Variants in WDR91 observed in about 807,000 individuals in gnomAD.
The protein encoded by WDR91 is WD repeat-containing protein 91.
WDR91 carries 52 observed loss-of-function variants against 88.4 expected under a neutral mutation model. The observed-to-expected ratio is 0.59, with a 90% CI of 0.47 to 0.74. The LOEUF (loss-of-function observed/expected upper bound fraction) is 0.74. Ranked by LOEUF, WDR91 falls within the 30% of genes least tolerant of loss-of-function variation. The probability of loss-of-function intolerance (pLI) is 0.00; values close to 1 mark genes in which losing one functional copy is unlikely to be tolerated. For missense variants in WDR91, 824 were observed against 954.5 expected (o/e 0.86, Z 1.80); for synonymous variants, 362 against 389.5 (o/e 0.93, Z 0.83).
At position 135,204,135 on chromosome 7, in the gene WDR91, T is replaced by C; in HGVS notation, c.891+133A>G. The C allele has an allele frequency of 3.0e-6, 3 of 1,011,796 alleles. No individual in the cohort carries two copies. In the South Asian group the frequency reaches 5.7e-5, roughly 19 times the overall value. The allele number at this position is 1,011,796 out of a possible 1,614,324, so 62.7% of individuals were successfully genotyped here. A position where few individuals can be genotyped will look rare whatever the true frequency, so the allele number is the denominator to read the frequency against. On this transcript the variant is annotated intron_variant, in intron 6 of 14. Coordinates refer to ENST00000354475, the MANE Select transcript of WDR91 (RefSeq NM_014149.4). ...AAGGGAATGAGATTTCAATTCAGAA[T>C]CTCATCAACATGCCCAAGAAATCAG...
At chr7:135,193,493 G>A (rs1368012160) in intron 10 of WDR91, 85 bp downstream of exon 10, 1 of 1,610,790 alleles carries the variant, frequency 6.2e-7, no homozygotes, top group Non-Finnish European at 8.5e-7. Flanking sequence ...CAGGAGATGG[G>A]GCATTAGGCT....
intron 6 of WDR91, among the ~76,000 whole-genome samples, chr7:135,202,608 T>G (rs151019204): frequency 2.0e-5 from 3 of 152,112 alleles, no homozygotes; most frequent in Admixed American, 6.5e-5. Context: ...CCACATAGAG[T>G]AGGGCCACAG....
At position 135,192,108 on chromosome 7, in the gene WDR91, G is replaced by GT. The variant is rs751914024; in HGVS notation, c.1659+1122dup. Among the ~76,000 whole-genome samples, 22 of 50,670 alleles carry GT rather than the reference G, an allele frequency of 4.3e-4. 1 individual carries two copies. The highest frequency in any genetic ancestry group is 1.0e-3 in the African/African-American group (20 of 19,140). The allele number at this position is 50,670 out of a possible 152,430, so 33.2% of individuals were successfully genotyped here. ...TGGGAAGAACCCCAATTTCTGTTGT[G>GT]TTTTTTTTTTTTTTTTTTTTTTTTT... On this transcript the variant is annotated intron_variant, in intron 11 of 14. Transcript: ENST00000354475.
intron 2 of WDR91, 142 bp downstream of exon 2, chr7:135,209,434 G>A (rs1392487081): frequency 1.3e-6 from 1 of 782,572 alleles, no homozygotes; most frequent in Non-Finnish European, 1.9e-6. Context: ...AAGAAAAACA[G>A]TCAAAAATAA....
At chr7:135,210,808 T>TCACACA in intron 1 of WDR91, 1 of 703,630 alleles carries the variant, frequency 1.4e-6, no homozygotes, top group Non-Finnish European at 2.6e-6. Context: ...AACATACAAA[T>TCACACA]CACACACATA....
At position 135,206,058 on chromosome 7, in the gene WDR91, G is replaced by T. The variant is rs759549040; in HGVS notation, c.595C>A (p.Leu199Ile). The T allele has an allele frequency of 4.3e-6, 7 of 1,614,042 alleles. No homozygotes were observed. The highest frequency in any genetic ancestry group is 5.9e-6 in the Non-Finnish European group (7 of 1,180,028). ...QEENEVLRQK[L>I]FALQAEIHRL... ...TGGATTTCAGCTTGCAATGCAAAAA[G>T]CTATACAGGGGTGGGACTGAGTTAG... Residue 199 changes from leucine to isoleucine, a missense_variant and splice_region_variant, in exon 5 of 15, where the codon CTT (leucine) becomes ATT (isoleucine). Transcript: ENST00000354475.
Position 135,196,523 on chromosome 7 carries a change from C to T in WDR91, c.1051-186G>A, listed in dbSNP as rs1831380919. ...ACCCTGGGAGAGTGCAGGGCCTGCC[C>T]TCCTGACAGCCCCTTCCTGGAGACT... On this transcript the variant is annotated intron_variant, in intron 7 of 14. Coordinates refer to ENST00000354475, the MANE Select transcript of WDR91 (RefSeq NM_014149.4). This position sits in a 1 kb window ranked among gnomAD's most constrained non-coding sequence, Gnocchi z 4.2. 6.6e-6 allele frequency among the ~76,000 whole-genome samples: 1 copy of T among 152,186 alleles called. No individual in the cohort carries two copies. The highest frequency in any genetic ancestry group is 2.4e-5 in the African/African-American group (1 of 41,452).
chr7:135,204,505 C>A, intron 5 of WDR91, 72 bp from the exon 6 acceptor site: 1 of 1,523,926 alleles, frequency 6.6e-7, no homozygotes, highest in South Asian at 1.2e-5. Flanking sequence ...ATAGACCTCC[C>A]GGGCTATGGA....
intron 9 of WDR91, among the ~76,000 whole-genome samples, chr7:135,194,251 G>A (rs1356892694): frequency 6.6e-6 from 1 of 152,214 alleles, no homozygotes; most frequent in Non-Finnish European, 1.5e-5. Flanking sequence ...CAGGTCTGAG[G>A]GTGTCTCACA....
At chr7:135,194,808 T>C in intron 9 of WDR91, 126 bp downstream of exon 9, 1 of 1,324,320 alleles carries the variant, frequency 7.6e-7, no homozygotes. Context: ...TGTGTGTCCC[T>C]GAATCCCCAA....
rs11461232 is a variant in WDR91, at chr7:135,184,896, CTT to C, written c.*1253_*1254del. The stretch of plus-strand genomic sequence containing the variant: ...ATCAAAAATGCTCCATAACCCAAAA[CTT>C]TTTTTTTTTTTGAGTTGGGTTCTCC... On this transcript the variant is annotated 3_prime_UTR_variant, in exon 15 of 15. Transcript: ENST00000354475. 2.4e-4 allele frequency: 35 copies of C among 148,486 alleles called. No individual in the cohort carries two copies. Among genetic ancestry groups the C allele is most frequent in the East Asian group, 9.9e-4 (5 of 5,072 alleles). The allele number at this position is 148,486 out of a possible 1,614,324, so 9.2% of individuals were successfully genotyped here.
At chr7:135,205,766 T>TA in intron 5 of WDR91, among the ~76,000 whole-genome samples, 162 bp downstream of exon 5, 1 of 151,894 alleles carries the variant, frequency 6.6e-6, no homozygotes, top group Non-Finnish European at 1.5e-5. Context: ...TCTCTAAAAA[T>TA]AAAAATAAAG....
rs777547153 is a variant in WDR91 at position 135,187,173 on chromosome 7, C to T, written c.1882-4G>A. 3.1e-6 allele frequency: 5 copies of T among 1,614,092 alleles called. No individual in the cohort carries two copies. The Admixed American group carries it at 8.3e-5, about 27-fold the overall frequency. ...TGTGGATGTTCCACTGGATGAACTG[C>T]AGTCACAGGGCACAAGCAGGGTGCT... On this transcript the variant is annotated splice_region_variant and splice_polypyrimidine_tract_variant and intron_variant, in intron 13 of 14. Transcript: ENST00000354475.
intron 5 of WDR91, among the ~76,000 whole-genome samples, chr7:135,204,965 CAGAA>C (rs1369856859): frequency 6.6e-6 from 1 of 151,896 alleles, no homozygotes; most frequent in Non-Finnish European, 1.5e-5. Context: ...TTATTTCCAT[CAGAA>C]AGAACTGGCA....
At chr7:135,200,936 G>A (rs1831546996) in intron 6 of WDR91, among the ~76,000 whole-genome samples, 1 of 152,112 alleles carries the variant, frequency 6.6e-6, no homozygotes, top group African/African-American at 2.4e-5. Context: ...GCTAAACAAA[G>A]CTACCCAGAA....
chr7:135,205,799 G>A, intron 5 of WDR91, 129 bp downstream of exon 5: 1 of 1,362,600 alleles, frequency 7.3e-7, no homozygotes, highest in Non-Finnish European at 1.0e-6. Context: ...AGCAGTGTGT[G>A]CCAGGAGGCT....
At chr7:135,211,198 G>C (rs531545919) in intron 1 of WDR91, among the ~76,000 whole-genome samples, 182 bp downstream of exon 1, 1 of 152,214 alleles carries the variant, frequency 6.6e-6, no homozygotes, top group South Asian at 2.1e-4. Context: ...CTTCAGGCAG[G>C]TCCTGTCCGT....
intron 12 of WDR91, 31 bp downstream of exon 12, chr7:135,189,312 GA>G: frequency 6.3e-7 from 1 of 1,589,174 alleles, no homozygotes; most frequent in Non-Finnish European, 8.6e-7. Context: ...AATCTAAGGA[GA>G]TCAAGGATTG....
chr7:135,208,725 G>A (rs772638901), intron 3 of WDR91, 66 bp downstream of exon 3: 23 of 1,413,856 alleles, frequency 1.6e-5, no homozygotes, highest in Non-Finnish European at 2.1e-5. Context: ...GAGACCAGCG[G>A]GCTACTGATC....
Sources: gnomAD v4.1 joint callset for allele counts (sites outside exome capture counted in the v4.1 genomes callset) on GRCh38, gnomAD v4.1.1 for gene constraint, Gnocchi (gnomAD v3.1) non-coding constraint, MANE v1.5 for transcripts, NCBI Gene and HGNC (gene_info 2026-07-23, HGNC 2026-07-21) for gene names.